DRC8: variants seen among roughly 807,000 people sequenced by gnomAD.
DRC8 encodes the protein dynein regulatory complex subunit 8.
chr1:245,119,346 T>TG, the DRC8 span, among the ~76,000 whole-genome samples: 2 of 151,196 alleles, frequency 1.3e-5, no homozygotes, highest in African/African-American at 2.4e-5. Context: ...ATTGGAGAGT[T>TG]TTTTTTTTTT....
At chr1:244,988,489 A>G in the DRC8 span, among the ~76,000 whole-genome samples, 1 of 152,212 alleles carries the variant, frequency 6.6e-6, no homozygotes, top group African/African-American at 2.4e-5. Flanking sequence ...GAAATAAAAA[A>G]TTTTATTTAA....
the DRC8 span, among the ~76,000 whole-genome samples, chr1:245,080,654 T>C: frequency 1.3e-5 from 2 of 152,152 alleles, no homozygotes; most frequent in African/African-American, 4.8e-5. Flanking sequence ...CCAATTTCAC[T>C]TCTTAAATAT....
the DRC8 span, among the ~76,000 whole-genome samples, chr1:245,060,545 A>C: frequency 6.6e-6 from 1 of 152,190 alleles, no homozygotes; most frequent in Admixed American, 6.5e-5. Flanking sequence ...ATTTTTACCA[A>C]GAGTAAGAGG....
the DRC8 span, among the ~76,000 whole-genome samples, chr1:245,058,987 G>A: frequency 6.6e-6 from 1 of 152,290 alleles, no homozygotes; most frequent in Middle Eastern, 3.4e-3. Context: ...TGGCGCTAGA[G>A]GCCATGCTTT....
chr1:245,022,551 G>A, the DRC8 span, among the ~76,000 whole-genome samples: 26 of 152,202 alleles, frequency 1.7e-4, no homozygotes, highest in African/African-American at 5.8e-4. Context: ...GATGATATAT[G>A]TACATGGGAT....
chr1:245,105,795 G>C, the DRC8 span, among the ~76,000 whole-genome samples: 4 of 152,164 alleles, frequency 2.6e-5, 1 homozygote, highest in South Asian at 8.3e-4. Flanking sequence ...ATGCATTTTT[G>C]GCTGGATGCT....
chr1:245,013,166 A>C, the DRC8 span, among the ~76,000 whole-genome samples: 11 of 152,264 alleles, frequency 7.2e-5, no homozygotes, highest in Admixed American at 2.0e-4. Flanking sequence ...CAAACAAACC[A>C]CAGTAAATCT....
chr1:245,114,065 C>T, the DRC8 span, among the ~76,000 whole-genome samples: 2 of 152,348 alleles, frequency 1.3e-5, no homozygotes, highest in Admixed American at 1.3e-4. Flanking sequence ...ATTTTAAAAG[C>T]ATCCAAAAGC....
At chr1:245,120,167 A>T in the DRC8 span, among the ~76,000 whole-genome samples, 2 of 151,698 alleles carry the variant, frequency 1.3e-5, no homozygotes, top group African/African-American at 2.4e-5. Context: ...GTAAAAACTA[A>T]TTTTTTTTTA....
the DRC8 span, among the ~76,000 whole-genome samples, chr1:244,990,132 CA>C: frequency 6.6e-6 from 1 of 152,214 alleles, no homozygotes; most frequent in Non-Finnish European, 1.5e-5. Context: ...ATCATCAGGT[CA>C]ACAGTAGCCT....
the DRC8 span, among the ~76,000 whole-genome samples, chr1:244,991,671 G>C: frequency 1.3e-5 from 2 of 152,188 alleles, no homozygotes; most frequent in African/African-American, 4.8e-5. Context: ...GTCAGGGCCT[G>C]TTTGGTCAGC....
At chr1:245,006,292 G>A in the DRC8 span, among the ~76,000 whole-genome samples, 2 of 132,344 alleles carry the variant, frequency 1.5e-5, no homozygotes, top group South Asian at 5.7e-4. Flanking sequence ...AATTTAGCTG[G>A]AAGTGATGAG....
chr1:244,980,040 T>TAAAAAAAAAAAAAAAAAAAA, the DRC8 span, among the ~76,000 whole-genome samples: 1 of 34,736 alleles, frequency 2.9e-5, no homozygotes, highest in Non-Finnish European at 4.7e-5. Flanking sequence ...CCGTCTCTAC[T>TAAAAAAAAAAAAAAAAAAAA]AAAAAAAAAA....
chr1:245,088,085 A>G, the DRC8 span, among the ~76,000 whole-genome samples: 91 of 152,302 alleles, frequency 6.0e-4, no homozygotes, highest in African/African-American at 2.1e-3. The surrounding 1 kb of genome is among the most constrained non-coding windows in gnomAD (Gnocchi z 4.6). Context: ...AATACTGAGT[A>G]AGAATACTGA....
the DRC8 span, among the ~76,000 whole-genome samples, chr1:245,002,759 T>G: frequency 6.6e-6 from 1 of 151,966 alleles, no homozygotes; most frequent in African/African-American, 2.4e-5. Context: ...GAAGATTTTT[T>G]TTTTTTTTTA....
At chr1:244,996,220 T>C in the DRC8 span, among the ~76,000 whole-genome samples, 2 of 152,044 alleles carry the variant, frequency 1.3e-5, no homozygotes, top group Non-Finnish European at 2.9e-5. Flanking sequence ...ATAGGCTGCT[T>C]GAGTGCTGCT....
At chr1:245,066,970 A>G in the DRC8 span, among the ~76,000 whole-genome samples, 1 of 152,190 alleles carries the variant, frequency 6.6e-6, no homozygotes. Context: ...AGAAATTGAA[A>G]TTGGACTTCT....
At chr1:245,105,104 G>A in the DRC8 span, among the ~76,000 whole-genome samples, 3 of 152,250 alleles carry the variant, frequency 2.0e-5, no homozygotes, top group East Asian at 1.9e-4. Context: ...CTAGAGGCTC[G>A]ATCAATGTCA....
the DRC8 span, among the ~76,000 whole-genome samples, chr1:244,987,141 C>T: frequency 6.6e-6 from 1 of 151,798 alleles, no homozygotes; most frequent in African/African-American, 2.4e-5. Context: ...GATCAACAAA[C>T]ATTTCATAAA....
Sources: gnomAD v4.1 joint callset for allele counts (sites outside exome capture counted in the v4.1 genomes callset) on GRCh38, gnomAD v4.1.1 for gene constraint, Gnocchi (gnomAD v3.1) non-coding constraint, MANE v1.5 for transcripts, NCBI Gene and HGNC (gene_info 2026-07-23, HGNC 2026-07-21) for gene names.